Variants in TAOK3 observed in about 807,000 individuals in gnomAD.
TAOK3 encodes TAO kinase 3.
A neutral mutation model predicts 120.4 loss-of-function variants in TAOK3; 40 were observed. That is an observed-to-expected ratio of 0.33 (90% CI 0.26 to 0.43). The LOEUF is 0.43. Ranked by LOEUF, TAOK3 falls within the 20% of genes least tolerant of loss-of-function variation. The pLI is 1.00. For synonymous variants in TAOK3, 355 were observed against 387.5 expected (o/e 0.92, Z 0.99); for missense variants, 821 against 1,112.1 (o/e 0.74, Z 3.72).
intron 1 of TAOK3, among the ~76,000 whole-genome samples, chr12:118,361,582 AG>A (rs111668366): frequency 0.15 from 23,185 of 151,134 alleles, 3,838 homozygotes; most frequent in African/African-American, 0.39. Flanking sequence ...CTCAGCCTCC[AG>A]AGTAGCTGGG....
chr12:118,236,125 T>C (rs1471276782), intron 7 of TAOK3: 1 of 158,746 alleles, frequency 6.3e-6, no homozygotes, highest in Non-Finnish European at 1.4e-5. Context: ...AATGATTCCG[T>C]ATTGACCACC....
At chr12:118,254,587 G>A (rs1252429456) in intron 3 of TAOK3, among the ~76,000 whole-genome samples, 4 of 152,006 alleles carry the variant, frequency 2.6e-5, no homozygotes, top group African/African-American at 7.2e-5. Context: ...AACAGTAAAG[G>A]GTATCTTGCA....
In TAOK3 at chr12:118,262,448, C is replaced by T. The variant is rs536398534; in HGVS notation, c.-89+4207G>A. On this transcript the variant is annotated intron_variant, in intron 2 of 20. Transcript: ENST00000392533. Reference sequence around the variant, plus strand: ...AGTGAGCTGAGATCGCACTACTACACTCTAGCCGGGGCGACAGGGCGAGAC... The same window carrying T: ...AGTGAGCTGAGATCGCACTACTACATTCTAGCCGGGGCGACAGGGCGAGAC... Among the ~76,000 whole-genome samples the T allele has an allele frequency of 1.4e-4, 21 of 151,984 alleles. 1 individual carries two copies. Among genetic ancestry groups the T allele is most frequent in the South Asian group, 2.1e-4 (1 of 4,804 alleles).
chr12:118,223,062 CTTTTTTTTTTTTT>C (rs75334511), intron 9 of TAOK3, among the ~76,000 whole-genome samples: 17,532 of 120,498 alleles, frequency 0.15, 1,196 homozygotes, highest in Middle Eastern at 0.26. Flanking sequence ...TTCTTTCTTT[CTTTTTTTTTTTTT>C]TTTTTTTTTT....
At chr12:118,322,718 CTTTTTTTTTTT>C (rs199608892) in intron 1 of TAOK3, among the ~76,000 whole-genome samples, 3,503 of 94,150 alleles carry the variant, frequency 0.037, 140 homozygotes, top group East Asian at 0.11. Flanking sequence ...ATTTAAAAAC[CTTTTTTTTTTT>C]TTTTTTTTTT....
chr12:118,191,709 A>G (rs1032740106), intron 13 of TAOK3, among the ~76,000 whole-genome samples: 3 of 152,180 alleles, frequency 2.0e-5, no homozygotes, highest in Admixed American at 6.5e-5. Context: ...GGATTCATTC[A>G]CTAGGCTTAA....
At chr12:118,368,261 A>T (rs958367614) in intron 1 of TAOK3, among the ~76,000 whole-genome samples, 2 of 152,022 alleles carry the variant, frequency 1.3e-5, no homozygotes, top group African/African-American at 4.8e-5. Context: ...CGAGGGCGCT[A>T]TTTTGGATCA....
At chr12:118,343,185 T>C (rs2044699705) in intron 1 of TAOK3, among the ~76,000 whole-genome samples, 1 of 151,900 alleles carries the variant, frequency 6.6e-6, no homozygotes, top group Non-Finnish European at 1.5e-5. Flanking sequence ...CCCAGCACTT[T>C]GGGAGGCTGA....
intron 9 of TAOK3, among the ~76,000 whole-genome samples, chr12:118,229,937 A>C (rs1207339517): frequency 1.3e-5 from 2 of 152,140 alleles, no homozygotes; most frequent in Admixed American, 6.6e-5. Flanking sequence ...TCTTAAAAAA[A>C]AATAATAATA....
At chr12:118,302,193 T>C (rs949159031) in intron 1 of TAOK3, among the ~76,000 whole-genome samples, 2 of 152,196 alleles carry the variant, frequency 1.3e-5, no homozygotes, top group African/African-American at 4.8e-5. Context: ...ATCCACACCT[T>C]ACTGACCACA....
At position 118,353,247 on chromosome 12, in the gene TAOK3, T is replaced by C. The variant is rs16948259; in HGVS notation, c.-194+19401A>G. On this transcript the variant is annotated intron_variant, in intron 1 of 20. Transcript: ENST00000392533. Reference sequence around the variant, plus strand: ...CACCCGAGAATTTGCAGGAAAATAGTAGGAGTAGGAAAAGCATCTAACAGG... The same window carrying C: ...CACCCGAGAATTTGCAGGAAAATAGCAGGAGTAGGAAAAGCATCTAACAGG... Among the ~76,000 whole-genome samples, 992 of 151,982 alleles carry C rather than the reference T, an allele frequency of 6.5e-3. 13 individuals are homozygous for C. Among genetic ancestry groups the C allele is most frequent in the African/African-American group, 0.023 (934 of 41,460 alleles).
intron 1 of TAOK3, among the ~76,000 whole-genome samples, chr12:118,270,855 T>G (rs1335871298): frequency 3.3e-5 from 5 of 151,834 alleles, no homozygotes; most frequent in Non-Finnish European, 7.4e-5. Flanking sequence ...TTTTTTGTAT[T>G]TTTAGTAGAG....
rs960334090 is a variant in TAOK3 at position 118,372,679 on chromosome 12, G to GCGCCGC, written c.-231_-226dup. ...CCTGCTGTCACCACCCCCGGGCCCG[G>GCGCCGC]CGCCGCCGCCGCCGCTTCCTCTCCC... is the stretch of plus-strand genomic sequence containing the variant. On this transcript the variant is annotated 5_prime_UTR_variant, in exon 1 of 21. Coordinates refer to ENST00000392533, the MANE Select transcript of TAOK3 (RefSeq NM_016281.4). The surrounding 1 kb of genome is among the most constrained non-coding windows in gnomAD (Gnocchi z 4.6). 3 of 158,160 alleles carry GCGCCGC rather than the reference G, an allele frequency of 1.9e-5. No homozygotes were observed. The highest frequency in any genetic ancestry group is 2.8e-5 in the Non-Finnish European group (2 of 72,350). The allele number at this position is 158,160 out of a possible 1,614,324, so 9.8% of individuals were successfully genotyped here. A position where few individuals can be genotyped will look rare whatever the true frequency, so the allele number is the denominator to read the frequency against.
chr12:118,356,386 G>A (rs537667837), intron 1 of TAOK3, among the ~76,000 whole-genome samples: 1 of 136,688 alleles, frequency 7.3e-6, no homozygotes, highest in Admixed American at 8.3e-5. Context: ...CGCAACCTCC[G>A]CCTCCCAGGT....
chr12:118,363,045 GA>G (rs1420754521), intron 1 of TAOK3, among the ~76,000 whole-genome samples: 1 of 89,980 alleles, frequency 1.1e-5, no homozygotes, highest in East Asian at 3.1e-4. Flanking sequence ...AAAAAAAAAA[GA>G]AAAGAAAGAA....
chr12:118,308,161 A>G (rs564307339), intron 1 of TAOK3, among the ~76,000 whole-genome samples: 4 of 151,590 alleles, frequency 2.6e-5, no homozygotes, highest in Non-Finnish European at 4.4e-5. Flanking sequence ...GGCAATGAGA[A>G]TGACCTCTGG....
intron 2 of TAOK3, among the ~76,000 whole-genome samples, chr12:118,257,604 G>C (rs1330707698): frequency 6.6e-6 from 1 of 151,916 alleles, no homozygotes; most frequent in Non-Finnish European, 1.5e-5. Flanking sequence ...ATAGAAATTT[G>C]GTTATTGGCC....
chr12:118,238,193 T>G, intron 6 of TAOK3, 24 bp from the exon 7 acceptor site: 2 of 1,306,742 alleles, frequency 1.5e-6, no homozygotes, highest in Non-Finnish European at 2.2e-6. Context: ...AAAAAAAAAG[T>G]CAGTAGATGA....
chr12:118,210,537 GAT>G (rs1272373357), intron 11 of TAOK3, among the ~76,000 whole-genome samples: 1 of 151,890 alleles, frequency 6.6e-6, no homozygotes, highest in Non-Finnish European at 1.5e-5. Context: ...ACTTCACCAG[GAT>G]ATGATTTACT....
Sources: gnomAD v4.1 joint callset for allele counts (sites outside exome capture counted in the v4.1 genomes callset) on GRCh38, gnomAD v4.1.1 for gene constraint, Gnocchi (gnomAD v3.1) non-coding constraint, MANE v1.5 for transcripts, NCBI Gene and HGNC (gene_info 2026-07-23, HGNC 2026-07-21) for gene names.